Variants in VPS13B observed in about 807,000 individuals in gnomAD.
The protein encoded by VPS13B is vacuolar protein sorting 13 homolog B, also known as intermembrane lipid transfer protein VPS13B.
VPS13B carries 285 observed loss-of-function variants against 426.4 expected under a neutral mutation model. The ratio of observed to expected loss-of-function variants is 0.67; its 90% CI spans 0.61 to 0.74. The LOEUF (loss-of-function observed/expected upper bound fraction) is 0.74, where lower values mean the gene tolerates loss of function less well. Ranked by LOEUF, VPS13B falls within the 30% of genes least tolerant of loss-of-function variation. The probability of loss-of-function intolerance (pLI) is 0.00; values close to 1 mark genes in which losing one functional copy is unlikely to be tolerated. For synonymous variants in VPS13B, 1,676 were observed against 1,676.4 expected, an observed-to-expected ratio of 1.00 and a Z score of 0.01; for missense variants, 4,537 against 4,782.6, an observed-to-expected ratio of 0.95 and a Z score of 1.51.
At chr8:99,860,743 C>G (rs1816793886) in intron 57 of VPS13B, among the ~76,000 whole-genome samples, 1 of 152,226 alleles carries the variant, frequency 6.6e-6, no homozygotes, top group Admixed American at 6.5e-5. Context: ...ATGAAAGTCG[C>G]TCAGTTTCGC....
At chr8:99,413,583 C>G (rs1295190525) in intron 21 of VPS13B, among the ~76,000 whole-genome samples, 2 of 151,996 alleles carry the variant, frequency 1.3e-5, no homozygotes, top group African/African-American at 4.8e-5. Context: ...TATAAATTTC[C>G]CTCTAAACAC....
At position 99,375,672 on chromosome 8, in the gene VPS13B, C is replaced by A. The variant is rs78987634; in HGVS notation, c.2825-8536C>A. On this transcript the variant is annotated intron_variant, in intron 19 of 61. Transcript: ENST00000357162. ...GTTTTTGAAGTAGTGATTCTTCTTT[C>A]ATTTATTTTTCTTGTTTTCTTAACT... 3.3e-5 allele frequency among the ~76,000 whole-genome samples: 5 copies of A among 152,272 alleles called. No homozygotes were observed. In the East Asian group the frequency reaches 9.6e-4, roughly 29 times the overall value.
Position 99,188,695 on chromosome 8 carries a change from C to CA in VPS13B, c.2334-4179dup, listed in dbSNP as rs1285340929. Among the ~76,000 whole-genome samples the CA allele has an allele frequency of 3.3e-5, 5 of 152,238 alleles. No homozygotes were observed. The East Asian group carries it at 9.6e-4, about 29-fold the overall frequency. On this transcript the variant is annotated intron_variant, in intron 16 of 61. Transcript: ENST00000357162. ...AACTATACCTCTGTGCGTGATGTTC[C>CA]AATTTCTACCTATTCAGGCCATACT...
chr8:99,028,958 G>A (rs1486532266), intron 2 of VPS13B, among the ~76,000 whole-genome samples: 3 of 144,510 alleles, frequency 2.1e-5, no homozygotes, highest in Non-Finnish European at 4.6e-5. Context: ...GCTGCCGGAC[G>A]GAGGGGCTCC....
At chr8:99,542,958 C>G (rs1383939805) in intron 30 of VPS13B, among the ~76,000 whole-genome samples, 2 of 152,162 alleles carry the variant, frequency 1.3e-5, no homozygotes, top group Non-Finnish European at 2.9e-5. Context: ...TTGGAAAAAA[C>G]TACTTTAAAT....
At chr8:99,071,416 A>C (rs1258723123) in intron 3 of VPS13B, among the ~76,000 whole-genome samples, 1 of 152,186 alleles carries the variant, frequency 6.6e-6, no homozygotes, top group Non-Finnish European at 1.5e-5. Context: ...TACCAGGCAG[A>C]GAATACCCTG....
At chr8:99,642,591 G>A in intron 34 of VPS13B, 93 bp downstream of exon 34, 1 of 1,125,424 alleles carries the variant, frequency 8.9e-7, no homozygotes, top group East Asian at 2.6e-5. Context: ...GAAACAGCTG[G>A]CAGACAAAAG....
chr8:99,700,061 A>G, intron 36 of VPS13B, 129 bp downstream of exon 36: 1 of 1,068,480 alleles, frequency 9.4e-7, no homozygotes, highest in Non-Finnish European at 1.3e-6. Flanking sequence ...AGAGATGAGG[A>G]CATTTCTGGT....
chr8:99,732,686 C>T (rs867221101), intron 39 of VPS13B, among the ~76,000 whole-genome samples: 1 of 152,240 alleles, frequency 6.6e-6, no homozygotes, highest in Non-Finnish European at 1.5e-5. Context: ...GTCTATGGTG[C>T]AGTAAGAAAA....
At chr8:99,424,311 C>T (rs1480634174) in intron 21 of VPS13B, 8 of 151,818 alleles carry the variant, frequency 5.3e-5, no homozygotes, top group South Asian at 2.1e-4. Flanking sequence ...TGTCTCTGCA[C>T]GTGAGATGGG....
At chr8:99,321,802 T>A (rs1443983833) in intron 19 of VPS13B, among the ~76,000 whole-genome samples, 1 of 152,242 alleles carries the variant, frequency 6.6e-6, no homozygotes, top group African/African-American at 2.4e-5. Flanking sequence ...AAATGTGTTA[T>A]GGGATATTGA....
chr8:99,876,545 C>T lies in VPS13B; in HGVS notation c.*879C>T, dbSNP rs904820510. 1 of 152,138 alleles carries T rather than the reference C, an allele frequency of 6.6e-6. No individual in the cohort carries two copies. Among genetic ancestry groups the T allele is most frequent in the Admixed American group, 6.5e-5 (1 of 15,278 alleles). 9.4% of individuals were successfully genotyped at this position (152,138 alleles called of 1,614,324 possible). On this transcript the variant is annotated 3_prime_UTR_variant, in exon 62 of 62. Coordinates refer to ENST00000357162, the MANE Select transcript of VPS13B (RefSeq NM_152564.5). The stretch of plus-strand genomic sequence containing the variant: ...ACATAGTGGGAACTCCCTGGTATGC[C>T]ATAGAGCACACAAGAACCCCAATAT...
intron 19 of VPS13B, among the ~76,000 whole-genome samples, chr8:99,286,340 A>C (rs1382959643): frequency 6.6e-6 from 1 of 152,232 alleles, no homozygotes; most frequent in Non-Finnish European, 1.5e-5. Flanking sequence ...TAAATGTAAA[A>C]TCATAACTCT....
At chr8:99,122,990 G>T (rs777643994) in intron 8 of VPS13B, among the ~76,000 whole-genome samples, 6 of 151,662 alleles carry the variant, frequency 4.0e-5, no homozygotes, top group Admixed American at 6.6e-5. Context: ...GCGTGGTGAC[G>T]CATGCCTGTA....
intron 19 of VPS13B, among the ~76,000 whole-genome samples, chr8:99,305,974 A>G (rs1446565080): frequency 6.6e-6 from 1 of 152,126 alleles, no homozygotes; most frequent in African/African-American, 2.4e-5. Context: ...TAACCTAGTT[A>G]TATCACCACT....
intron 34 of VPS13B, among the ~76,000 whole-genome samples, chr8:99,643,764 C>G (rs185522352): frequency 1.3e-5 from 2 of 152,184 alleles, no homozygotes; most frequent in African/African-American, 4.8e-5. Flanking sequence ...TCTCCTACAC[C>G]AAGAGCCATT....
chr8:99,204,621 T>G (rs1370241598), intron 17 of VPS13B, among the ~76,000 whole-genome samples: 1 of 151,920 alleles, frequency 6.6e-6, no homozygotes, highest in Non-Finnish European at 1.5e-5. Flanking sequence ...TTGACAAAGG[T>G]CTAATATTCA....
intron 17 of VPS13B, chr8:99,233,522 AC>A (rs1293200667): frequency 2.5e-6 from 3 of 1,177,984 alleles, no homozygotes; most frequent in Non-Finnish European, 2.6e-6. Context: ...TGATGCGGGA[AC>A]GGGCCAAACT....
At chr8:99,171,274 T>A (rs1015603640) in intron 16 of VPS13B, among the ~76,000 whole-genome samples, 2 of 151,992 alleles carry the variant, frequency 1.3e-5, no homozygotes, top group Non-Finnish European at 2.9e-5. Context: ...CATGGTATGT[T>A]GCATTTGAGT....
Sources: allele counts gnomAD v4.1 joint callset (sites outside exome capture counted in the v4.1 genomes callset), GRCh38; gene constraint gnomAD v4.1.1; transcripts MANE v1.5; gene names NCBI Gene and HGNC (gene_info 2026-07-23, HGNC 2026-07-21).